Variants in SDK1 observed in about 807,000 individuals in gnomAD.
SDK1 encodes sidekick cell adhesion molecule 1, also known as protein sidekick-1.
In SDK1, 157 loss-of-function variants were observed where a neutral mutation model predicts 245.5. The ratio of observed to expected loss-of-function variants is 0.64; its 90% CI spans 0.56 to 0.73. The LOEUF (loss-of-function observed/expected upper bound fraction) is 0.73. Ranked by LOEUF, SDK1 falls within the 30% of genes least tolerant of loss-of-function variation. SDK1 has a pLI of 0.00. For missense variants in SDK1, 3,583 were observed against 3,002.3 expected (o/e 1.19, Z -4.52); for synonymous variants, 1,647 against 1,278.5 (o/e 1.29, Z -6.15).
At chr7:3,464,273 T>C (rs1215539927) in intron 1 of SDK1, among the ~76,000 whole-genome samples, 1 of 152,180 alleles carries the variant, frequency 6.6e-6, no homozygotes, top group African/African-American at 2.4e-5. Flanking sequence ...CCTATAATCC[T>C]AACACTTTCG....
At chr7:4,138,619 C>T (rs1380702060) in intron 28 of SDK1, among the ~76,000 whole-genome samples, 2 of 151,892 alleles carry the variant, frequency 1.3e-5, no homozygotes, top group African/African-American at 4.8e-5. Context: ...TGTTGGCACA[C>T]ACCTGTAATC....
intron 4 of SDK1, among the ~76,000 whole-genome samples, chr7:3,786,153 C>G (rs569238771): frequency 6.6e-6 from 1 of 152,230 alleles, no homozygotes; most frequent in South Asian, 2.1e-4. Context: ...GTTAATTTAT[C>G]TCTTTTACTC....
In SDK1 at chr7:3,304,568, TCATTTGAAATTGTCTC is replaced by T. The variant is rs1212408877; in HGVS notation, c.298+2687_298+2702del. Among the ~76,000 whole-genome samples, 5 of 152,222 alleles carry T rather than the reference TCATTTGAAATTGTCTC, an allele frequency of 3.3e-5. No homozygotes were observed. The East Asian group carries it at 9.6e-4, about 29-fold the overall frequency. ...CTGTTTGTTCATAGTCCTCAGTTTC[TCATTTGAAATTGTCTC>T]CACTTGGACCTATGGTTCTCCAGCT... On this transcript the variant is annotated intron_variant, in intron 1 of 44. Coordinates refer to ENST00000404826, the MANE Select transcript of SDK1 (RefSeq NM_152744.4).
intron 17 of SDK1, among the ~76,000 whole-genome samples, chr7:4,032,957 G>GA (rs1452228548): frequency 1.3e-5 from 2 of 152,052 alleles, no homozygotes; most frequent in Non-Finnish European, 2.9e-5. Flanking sequence ...TCTGGAGCTA[G>GA]AAAAGTTAAT....
At chr7:3,700,243 G>T (rs1784703353) in intron 4 of SDK1, among the ~76,000 whole-genome samples, 1 of 152,178 alleles carries the variant, frequency 6.6e-6, no homozygotes. Context: ...TTATTAAGAT[G>T]AGAGTTATCT....
intron 5 of SDK1, among the ~76,000 whole-genome samples, chr7:3,868,328 C>T (rs1415490569): frequency 6.6e-6 from 1 of 152,104 alleles, no homozygotes; most frequent in Non-Finnish European, 1.5e-5. Context: ...CTCAGGGAAG[C>T]ACTGTAGTTA....
intron 44 of SDK1, among the ~76,000 whole-genome samples, chr7:4,246,194 G>C (rs1170280871): frequency 6.6e-6 from 1 of 152,220 alleles, no homozygotes; most frequent in African/African-American, 2.4e-5. Context: ...GTGAGAGATA[G>C]GCAAGGCTGG....
chr7:3,401,874 A>G (rs190102338), intron 1 of SDK1, among the ~76,000 whole-genome samples: 1 of 152,286 alleles, frequency 6.6e-6, no homozygotes, highest in African/African-American at 2.4e-5. Context: ...ATCACTATTT[A>G]ACTATCTGGA....
intron 5 of SDK1, among the ~76,000 whole-genome samples, chr7:3,924,981 G>C (rs1365187748): frequency 6.6e-6 from 1 of 152,162 alleles, no homozygotes; most frequent in African/African-American, 2.4e-5. Flanking sequence ...AGCCTCTCCA[G>C]GGCTCTGGGA....
chr7:3,690,356 G>C (rs888505067), intron 4 of SDK1, among the ~76,000 whole-genome samples: 6 of 152,080 alleles, frequency 3.9e-5, no homozygotes, highest in African/African-American at 1.4e-4. Flanking sequence ...AGGGTCATGA[G>C]AAAAATTGTA....
intron 35 of SDK1, among the ~76,000 whole-genome samples, chr7:4,204,456 A>G (rs1339527678): frequency 2.6e-5 from 4 of 152,058 alleles, no homozygotes; most frequent in Admixed American, 2.6e-4. Flanking sequence ...AGAACAAAAT[A>G]AATAGTTGGT....
chr7:3,552,330 C>A (rs546969375), intron 1 of SDK1, among the ~76,000 whole-genome samples: 5 of 152,138 alleles, frequency 3.3e-5, no homozygotes, highest in African/African-American at 1.2e-4. Flanking sequence ...TGTGAGCCAC[C>A]GCGCCCAGCT....
rs7791940 is a variant in SDK1 at position 3,966,686 on chromosome 7, T to G, written c.1430-632T>G. Among the ~76,000 whole-genome samples, 1,347 of 152,228 alleles carry G rather than the reference T, an allele frequency of 8.8e-3. 15 individuals are homozygous for G. The highest frequency in any genetic ancestry group is 0.016 in the African/African-American group (667 of 41,518). Reference sequence around the variant, plus strand: ...ATTTTGTATTCAATAATTAGCTTTTTTTTTTGTTTTTGTTTTTGAGATAAG... The same window carrying G: ...ATTTTGTATTCAATAATTAGCTTTTGTTTTTGTTTTTGTTTTTGAGATAAG... On this transcript the variant is annotated intron_variant, in intron 9 of 44. Coordinates refer to ENST00000404826, the MANE Select transcript of SDK1 (RefSeq NM_152744.4).
chr7:3,570,259 A>G (rs1005640434), intron 1 of SDK1, among the ~76,000 whole-genome samples: 3 of 152,188 alleles, frequency 2.0e-5, no homozygotes, highest in African/African-American at 7.2e-5. Context: ...GAAACTGTTC[A>G]GATCATCAGG....
Position 4,219,103 on chromosome 7 carries a change from A to G in SDK1, c.5540-1006A>G, listed in dbSNP as rs1370236882. On this transcript the variant is annotated intron_variant, in intron 38 of 44. Transcript: ENST00000404826. ...CATAGGTTTGAGGACGTTTGTCTCT[A>G]TGTTGCCATCGTCCTCTGAATCGAG... 2.0e-5 allele frequency among the ~76,000 whole-genome samples: 3 copies of G among 152,212 alleles called. No homozygotes were observed. In the East Asian group the frequency reaches 5.8e-4, roughly 29 times the overall value.
chr7:4,080,256 C>G (rs993511249), intron 22 of SDK1, among the ~76,000 whole-genome samples: 3 of 151,992 alleles, frequency 2.0e-5, no homozygotes, highest in African/African-American at 7.3e-5. Flanking sequence ...ACTTCCGGTC[C>G]GACTCCAGCT....
chr7:4,145,890 C>T lies in SDK1; in HGVS notation c.4397C>T (p.Ala1466Val). The T allele has an allele frequency of 1.3e-6, 2 of 1,597,494 alleles. No homozygotes were observed. Among genetic ancestry groups the T allele is most frequent in the Non-Finnish European group, 1.7e-6 (2 of 1,172,442 alleles). ...TRQGWGEPLE[A>V]TVITTEKRER... is the part of the protein sequence containing the mutation. ...CAGGGCTGGGGGGAGCCACTGGAGG[C>T]CACCGTCATCACCACCGAGAAGAGA... The change falls in exon 29 of 45, where the codon GCC (alanine) becomes GTC (valine). Residue 1466 changes from alanine (A) to valine (V), a missense_variant. Transcript: ENST00000404826.
At chr7:4,167,761 G>A (rs1016683246) in intron 32 of SDK1, among the ~76,000 whole-genome samples, 11 of 152,236 alleles carry the variant, frequency 7.2e-5, no homozygotes, top group African/African-American at 2.2e-4. Context: ...CTGGGGACAC[G>A]GGTCTGTGGT....
intron 35 of SDK1, among the ~76,000 whole-genome samples, chr7:4,188,709 A>AG (rs1554256161): frequency 6.6e-6 from 1 of 151,834 alleles, no homozygotes; most frequent in Non-Finnish European, 1.5e-5. Flanking sequence ...GAAAAAAAAA[A>AG]CTCTTTCATC....
Sources: allele counts gnomAD v4.1 joint callset (sites outside exome capture counted in the v4.1 genomes callset), GRCh38; gene constraint gnomAD v4.1.1; transcripts MANE v1.5; gene names NCBI Gene and HGNC (gene_info 2026-07-23, HGNC 2026-07-21).